MED13: variants seen among roughly 807,000 people sequenced by gnomAD.
MED13 encodes the protein mediator of RNA polymerase II transcription subunit 13.
MED13 carries 23 observed loss-of-function variants against 225.2 expected under a neutral mutation model. The ratio of observed to expected loss-of-function variants is 0.10; its 90% confidence interval spans 0.07 to 0.14. MED13 has a LOEUF of 0.14. MED13 is among the 10% of genes least tolerant of loss of function. The probability of loss-of-function intolerance (pLI) is 1.00; values close to 1 mark genes in which losing one functional copy is unlikely to be tolerated. For synonymous variants in MED13, 942 were observed against 889.2 expected, an observed-to-expected ratio of 1.06 and a Z score of -1.06; for missense variants, 2,197 against 2,594.5, an observed-to-expected ratio of 0.85 and a Z score of 3.33.
At chr17:61,957,569 A>C (rs1174640586) in intron 23 of MED13, among the ~76,000 whole-genome samples, 1 of 151,820 alleles carries the variant, frequency 6.6e-6, no homozygotes, top group South Asian at 2.1e-4. Context: ...AGGCTGGTCT[A>C]GAACTCCTGA....
chr17:61,966,439 T>C (rs1380784121), intron 19 of MED13, 23 bp downstream of exon 19: 6 of 1,585,778 alleles, frequency 3.8e-6, no homozygotes, highest in African/African-American at 1.3e-5. Flanking sequence ...ACCAGCCTTA[T>C]ACAATAAATA....
intron 8 of MED13, among the ~76,000 whole-genome samples, chr17:62,015,957 T>TATA (rs1227669033): frequency 1.6e-4 from 1 of 6,310 alleles, no homozygotes; most frequent in Admixed American, 3.5e-3. Context: ...TATATATATT[T>TATA]TTTTTTTTTT....
intron 1 of MED13, 25 bp downstream of exon 1, chr17:62,065,115 G>A (rs571907246): frequency 2.0e-6 from 3 of 1,524,486 alleles, no homozygotes; most frequent in African/African-American, 1.4e-5. Flanking sequence ...CCCCTCCCTC[G>A]GCGCCCGCCG....
chr17:62,040,746 A>G (rs550127430), intron 3 of MED13, among the ~76,000 whole-genome samples: 110 of 152,360 alleles, frequency 7.2e-4, no homozygotes, highest in Non-Finnish European at 8.8e-4. Flanking sequence ...TCGTTTCTCC[A>G]AAAATGATAT....
At chr17:61,964,301 G>A (rs377404988) in intron 20 of MED13, among the ~76,000 whole-genome samples, 1 of 152,194 alleles carries the variant, frequency 6.6e-6, no homozygotes, top group Non-Finnish European at 1.5e-5. Flanking sequence ...GGCCGGGTGC[G>A]ATAGCTCATG....
chr17:61,953,182 G>T, intron 26 of MED13, 69 bp from the exon 27 acceptor site: 1 of 1,472,502 alleles, frequency 6.8e-7, no homozygotes, highest in Non-Finnish European at 9.1e-7. Flanking sequence ...ACAGGAAAGG[G>T]TCAAAATAAA....
At chr17:61,998,587 TCCCA>T (rs1443754723) in intron 9 of MED13, among the ~76,000 whole-genome samples, 1 of 147,870 alleles carries the variant, frequency 6.8e-6, no homozygotes, top group African/African-American at 2.5e-5. Flanking sequence ...GTCAAAATCT[TCCCA>T]CCGCCTTTTT....
At chr17:62,035,764 C>T (rs2080797351) in intron 3 of MED13, among the ~76,000 whole-genome samples, 156 bp from the exon 4 acceptor site, 1 of 152,102 alleles carries the variant, frequency 6.6e-6, no homozygotes, top group Admixed American at 6.6e-5. Context: ...TGAGCAAAGA[C>T]TTAGCTATAA....
chr17:62,057,416 A>C (rs957818729), intron 2 of MED13, among the ~76,000 whole-genome samples: 7 of 152,240 alleles, frequency 4.6e-5, no homozygotes, highest in African/African-American at 1.7e-4. Flanking sequence ...TCAAAAAAAC[A>C]GTATGCAGAA....
At chr17:61,954,357 T>C (rs2079923089) in intron 26 of MED13, among the ~76,000 whole-genome samples, 1 of 152,214 alleles carries the variant, frequency 6.6e-6, no homozygotes, top group Admixed American at 6.5e-5. Context: ...TTTGGCAGTT[T>C]ATATAAATTA....
At position 61,955,857 on chromosome 17, in the gene MED13, A is replaced by ATT; in HGVS notation, c.5624-20_5624-19insAA. The ATT allele has an allele frequency of 2.9e-5, 12 of 411,060 alleles. No individual in the cohort carries two copies. The highest frequency in any genetic ancestry group is 7.0e-5 in the African/African-American group (3 of 42,710). The allele number at this position is 411,060 out of a possible 1,614,324, so 25.5% of individuals were successfully genotyped here. On this transcript the variant is annotated intron_variant, in intron 24 of 29. Transcript: ENST00000397786. ...CTCCAATCTGTGGGTATCAACAGTA[A>ATT]AAAAAAAAAAAAAAAAAAAAAAAAT...
At chr17:62,017,559 A>C (rs995468926) in intron 8 of MED13, among the ~76,000 whole-genome samples, 1 of 152,188 alleles carries the variant, frequency 6.6e-6, no homozygotes, top group African/African-American at 2.4e-5. Context: ...TAGCATCAAA[A>C]CAGTATCTGA....
At chr17:62,044,121 A>C (rs747012959) in intron 3 of MED13, among the ~76,000 whole-genome samples, 16 of 152,122 alleles carry the variant, frequency 1.1e-4, no homozygotes, top group Non-Finnish European at 2.2e-4. Context: ...CATGGTGCCT[A>C]TTTTTAATCA....
intron 12 of MED13, among the ~76,000 whole-genome samples, chr17:61,985,568 G>C (rs1357154444): frequency 1.3e-5 from 2 of 152,172 alleles, no homozygotes; most frequent in Non-Finnish European, 2.9e-5. Flanking sequence ...CTACTCGGGA[G>C]GCTGAGGCAC....
intron 3 of MED13, among the ~76,000 whole-genome samples, chr17:62,049,930 C>CAA (rs544006035): frequency 1.2e-4 from 12 of 96,254 alleles, no homozygotes; most frequent in African/African-American, 4.1e-4. Context: ...GCTCTGTCTC[C>CAA]AAAAAAAAAA....
At chr17:61,953,889 G>A (rs1346008324) in intron 26 of MED13, among the ~76,000 whole-genome samples, 1 of 152,190 alleles carries the variant, frequency 6.6e-6, no homozygotes, top group Non-Finnish European at 1.5e-5. Flanking sequence ...ATAGATTCCT[G>A]AAACCAAGGA....
chr17:61,944,250 T>C lies in MED13; in HGVS notation c.*2218A>G, dbSNP rs1214971827. The C allele has an allele frequency of 2.0e-5, 3 of 152,564 alleles. No homozygotes were observed. Among genetic ancestry groups the C allele is most frequent in the Non-Finnish European group, 2.9e-5 (2 of 67,990 alleles). 9.5% of individuals were successfully genotyped at this position (152,564 alleles called of 1,614,324 possible). ...AAATTGAGGTGTGGTTATCATAGGT[T>C]AGTGATTTTAAACAACTGAGAATAT... On this transcript the variant is annotated 3_prime_UTR_variant, in exon 30 of 30. Coordinates refer to ENST00000397786, the MANE Select transcript of MED13 (RefSeq NM_005121.3).
rs76334015 is a variant in MED13, at chr17:62,061,211, A to G, written c.301+1856T>C. On this transcript the variant is annotated intron_variant, in intron 2 of 29. Transcript: ENST00000397786. ...CTTTAATAGTCTTTTAACTTTCACA[A>G]TATTTTTTCTATTACGGTAAAACTA... Among the ~76,000 whole-genome samples the G allele has an allele frequency of 5.8e-3, 876 of 152,186 alleles. 7 individuals carry two copies. The highest frequency in any genetic ancestry group is 0.02 in the African/African-American group (833 of 41,494).
At chr17:61,963,202 C>CAAAAAAAAAAAAAAAA (rs11290002) in intron 20 of MED13, among the ~76,000 whole-genome samples, 20 of 55,790 alleles carry the variant, frequency 3.6e-4, no homozygotes, top group East Asian at 6.5e-4. Flanking sequence ...TTAAATTTAC[C>CAAAAAAAAAAAAAAAA]AAAAAAAAAA....
Sources: allele counts gnomAD v4.1 joint callset (sites outside exome capture counted in the v4.1 genomes callset), GRCh38; gene constraint gnomAD v4.1.1; transcripts MANE v1.5; gene names NCBI Gene and HGNC (gene_info 2026-07-23, HGNC 2026-07-21).